Variants in ZNF678 observed in about 807,000 individuals in gnomAD.
The protein encoded by ZNF678 is hypothetical protein MGC42493.
Under a neutral mutation model 3.0 loss-of-function variants are expected in ZNF678, and 5 were observed. That is an observed-to-expected ratio of 1.69 (90% CI 0.88 to 3.56). The LOEUF is 3.56. ZNF678 is among the 30% of genes most tolerant of loss of function. ZNF678 has a pLI of 0.00. For missense variants in ZNF678, 593 were observed against 605.0 expected, an observed-to-expected ratio of 0.98 and a Z score of 0.21; for synonymous variants, 218 against 199.6, an observed-to-expected ratio of 1.09 and a Z score of -0.78.
intron 1 of ZNF678, among the ~76,000 whole-genome samples, chr1:227,642,521 C>T (rs1419418734): frequency 6.6e-6 from 1 of 152,114 alleles, no homozygotes; most frequent in African/African-American, 2.4e-5. Context: ...TTTCCTCTTA[C>T]CCAAGAGTTA....
intron 1 of ZNF678, among the ~76,000 whole-genome samples, chr1:227,625,956 G>A (rs1402605882): frequency 1.3e-5 from 2 of 152,086 alleles, no homozygotes; most frequent in African/African-American, 4.8e-5. Context: ...AGTAGTTGTG[G>A]GGCATATGGG....
intron 1 of ZNF678, among the ~76,000 whole-genome samples, chr1:227,625,198 G>A (rs1208534591): frequency 6.6e-6 from 1 of 152,170 alleles, no homozygotes; most frequent in East Asian, 1.9e-4. Context: ...CGTGTTTAAA[G>A]GTGGGTGCGG....
chr1:227,633,141 T>G (rs1658592157), intron 1 of ZNF678, among the ~76,000 whole-genome samples: 2 of 152,274 alleles, frequency 1.3e-5, no homozygotes, highest in Middle Eastern at 3.4e-3. Flanking sequence ...GGGGTGGAAG[T>G]CATTGGTGGG....
chr1:227,669,674 C>T (rs1057497337), intron 5 of ZNF678, among the ~76,000 whole-genome samples: 10 of 151,418 alleles, frequency 6.6e-5, no homozygotes, highest in South Asian at 6.2e-4. Flanking sequence ...CATCTCCCAC[C>T]GGTCAGAATA....
intron 3 of ZNF678, among the ~76,000 whole-genome samples, chr1:227,651,830 T>C (rs1037188592): frequency 2.0e-5 from 3 of 152,162 alleles, no homozygotes; most frequent in African/African-American, 7.2e-5. Flanking sequence ...TGCCTCACCC[T>C]CTCAAATAGC....
rs1229673727 is a variant in ZNF678 at position 227,662,262 on chromosome 1, A to G, written c.*6434A>G. 2.0e-5 allele frequency: 3 copies of G among 152,216 alleles called. No homozygotes were observed. The highest frequency in any genetic ancestry group is 4.4e-5 in the Non-Finnish European group (3 of 68,036). 9.4% of individuals were successfully genotyped at this position (152,216 alleles called of 1,614,324 possible). On this transcript the variant is annotated 3_prime_UTR_variant, in exon 4 of 4. Transcript: ENST00000343776. The stretch of plus-strand genomic sequence containing the variant: ...GAGATGAGAAAACACAGGCTTTTGC[A>G]CATCCAATGTCTCCTTAAAGCATGT...
At chr1:227,671,216 G>A (rs1296121380) in intron 5 of ZNF678, among the ~76,000 whole-genome samples, 3 of 150,592 alleles carry the variant, frequency 2.0e-5, no homozygotes, top group African/African-American at 7.3e-5. Context: ...AGCTGATACT[G>A]CAGGCACATG....
At chr1:227,671,959 T>C (rs1285595409) in intron 5 of ZNF678, among the ~76,000 whole-genome samples, 2 of 152,196 alleles carry the variant, frequency 1.3e-5, no homozygotes, top group African/African-American at 4.8e-5. Flanking sequence ...TCAGAGAACA[T>C]TCACGCAGGA....
In ZNF678 at chr1:227,651,738, A is replaced by G. The variant is rs116900787; in HGVS notation, c.85+662A>G. On this transcript the variant is annotated intron_variant, in intron 3 of 3. Transcript: ENST00000343776. Reference sequence around the variant, plus strand: ...AACCCCCTGCCTGAATCACAAAGCAATCATAAATGTACTTTTTGTGTGACA... The same window carrying G: ...AACCCCCTGCCTGAATCACAAAGCAGTCATAAATGTACTTTTTGTGTGACA... Among the ~76,000 whole-genome samples the G allele has an allele frequency of 4.9e-4, 75 of 152,252 alleles. 1 individual carries two copies. In the East Asian group the frequency reaches 0.014, roughly 29 times the overall value.
Position 227,661,054 on chromosome 1 carries a change from G to A in ZNF678, c.*5226G>A, listed in dbSNP as rs140060561. On this transcript the variant is annotated 3_prime_UTR_variant, in exon 4 of 4. Coordinates refer to ENST00000343776, the MANE Select transcript of ZNF678 (RefSeq NM_001367909.1). ...CAAAGGCATCATATGTTACATTCTC[G>A]TGACATATAATGTCTACTGCTTATA... The A allele has an allele frequency of 1.3e-5, 2 of 152,042 alleles. No individual in the cohort carries two copies. Among genetic ancestry groups the A allele is most frequent in the Non-Finnish European group, 1.5e-5 (1 of 68,022 alleles). The allele number at this position is 152,042 out of a possible 1,614,324, so 9.4% of individuals were successfully genotyped here.
chr1:227,579,532 T>C (rs1300697625), intron 1 of ZNF678, among the ~76,000 whole-genome samples: 1 of 152,144 alleles, frequency 6.6e-6, no homozygotes, highest in Non-Finnish European at 1.5e-5. Flanking sequence ...CCTGCCCATA[T>C]AGACATGCAC....
Position 227,631,134 on chromosome 1 carries a change from C to A in ZNF678, c.-163-15410C>A, listed in dbSNP as rs184157304. 2.6e-5 allele frequency among the ~76,000 whole-genome samples: 4 copies of A among 152,214 alleles called. No individual in the cohort carries two copies. The South Asian group carries it at 8.3e-4, about 32-fold the overall frequency. ...AGGGGCGTTTTTGCCTTGGAGGGAA[C>A]GTTTCCCATCTGAAAAAAGGACATA... On this transcript the variant is annotated intron_variant, in intron 1 of 3. Coordinates refer to ENST00000343776, the MANE Select transcript of ZNF678 (RefSeq NM_001367909.1).
At chr1:227,598,958 A>AT (rs1487174957) in intron 1 of ZNF678, 3 of 924,832 alleles carry the variant, frequency 3.2e-6, no homozygotes, top group Non-Finnish European at 5.3e-6. Context: ...GTTCTCATTC[A>AT]TTTTTTTCTT....
intron 1 of ZNF678, among the ~76,000 whole-genome samples, chr1:227,588,506 C>CTTT (rs747086047): frequency 1.5e-5 from 2 of 135,916 alleles, no homozygotes; most frequent in Non-Finnish European, 3.1e-5. Context: ...GTTTTTTTTA[C>CTTT]TTTTTTTTTT....
At chr1:227,585,780 A>C (rs562215615) in intron 1 of ZNF678, among the ~76,000 whole-genome samples, 78 of 152,006 alleles carry the variant, frequency 5.1e-4, no homozygotes, top group African/African-American at 1.8e-3. Flanking sequence ...AGTCCCCCCA[A>C]AAAAAAACAA....
downstream of ZNF678, among the ~76,000 whole-genome samples, chr1:227,667,192 C>T (rs1016571214): frequency 2.0e-5 from 3 of 151,866 alleles, no homozygotes; most frequent in Non-Finnish European, 2.9e-5. Context: ...TACAGGTGCA[C>T]GCCAGCACAC....
chr1:227,583,515 A>C (rs6672530), intron 1 of ZNF678, among the ~76,000 whole-genome samples: 32,796 of 151,534 alleles, frequency 0.22, 4,036 homozygotes, highest in African/African-American at 0.33. Flanking sequence ...TTTTGATTTA[A>C]CTTTGTCAGG....
chr1:227,651,439 A>G (rs1197737536), intron 3 of ZNF678, among the ~76,000 whole-genome samples: 3 of 152,136 alleles, frequency 2.0e-5, no homozygotes, highest in Non-Finnish European at 4.4e-5. Flanking sequence ...TGCTTCAGAG[A>G]CCACAGTAAA....
At chr1:227,578,298 G>A (rs975132218) in intron 1 of ZNF678, among the ~76,000 whole-genome samples, 2 of 152,194 alleles carry the variant, frequency 1.3e-5, no homozygotes, top group African/African-American at 4.8e-5. Flanking sequence ...GCTATGTTGG[G>A]AAAGTTCTCG....
Sources: gnomAD v4.1 joint callset for allele counts (sites outside exome capture counted in the v4.1 genomes callset) on GRCh38, gnomAD v4.1.1 for gene constraint, MANE v1.5 for transcripts, NCBI Gene and HGNC (gene_info 2026-07-23, HGNC 2026-07-21) for gene names.